Variants in ADARB2 observed in about 807,000 individuals in gnomAD.
ADARB2 encodes inactive double-stranded RNA-specific editase B2.
ADARB2 carries 25 observed loss-of-function variants against 62.2 expected under a neutral mutation model. The observed-to-expected ratio is 0.40, with a 90% CI of 0.29 to 0.56. The LOEUF (loss-of-function observed/expected upper bound fraction) is 0.56, where lower values mean the gene tolerates loss of function less well. ADARB2 is among the 20% of genes least tolerant of loss of function. The pLI is 0.43. For missense variants in ADARB2, 1,071 were observed against 1,077.4 expected, an observed-to-expected ratio of 0.99 and a Z score of 0.08; for synonymous variants, 572 against 500.8, an observed-to-expected ratio of 1.14 and a Z score of -1.90.
At chr10:1,427,018 G>A (rs1376208234) in intron 1 of ADARB2, among the ~76,000 whole-genome samples, 2 of 152,242 alleles carry the variant, frequency 1.3e-5, no homozygotes, top group Non-Finnish European at 2.9e-5. Context: ...TACTCCGCTG[G>A]GCTCCAGGGG....
At chr10:1,395,862 G>C (rs1564278616) in intron 1 of ADARB2, among the ~76,000 whole-genome samples, 1 of 152,178 alleles carries the variant, frequency 6.6e-6, no homozygotes, top group Admixed American at 6.5e-5. Context: ...GCTGACGCTT[G>C]CCCTTCTGAA....
At chr10:1,576,143 G>GGCACCA (rs1398035854) in intron 1 of ADARB2, among the ~76,000 whole-genome samples, 1 of 126,226 alleles carries the variant, frequency 7.9e-6, no homozygotes, top group South Asian at 3.3e-4. Context: ...TCACAAGAGG[G>GGCACCA]GGGTCCACGG....
In ADARB2 at chr10:1,244,889, T is replaced by A. The variant is rs77758015; in HGVS notation, c.1193-2590A>T. 3.0e-3 allele frequency among the ~76,000 whole-genome samples: 464 copies of A among 152,314 alleles called. 3 individuals carry two copies. Among genetic ancestry groups the A allele is most frequent in the African/African-American group, 9.4e-3 (391 of 41,562 alleles). On this transcript the variant is annotated intron_variant, in intron 4 of 9. Coordinates refer to ENST00000381312, the MANE Select transcript of ADARB2 (RefSeq NM_018702.4). ...CATATTCTGCATAATCTGCGTATTC[T>A]ACGGGCCGTTGGAGCCCGTAGGAGA...
chr10:1,677,625 G>A (rs1031303985), intron 1 of ADARB2, among the ~76,000 whole-genome samples: 1 of 152,188 alleles, frequency 6.6e-6, no homozygotes, highest in Non-Finnish European at 1.5e-5. Context: ...TGGATTTGGA[G>A]CTCAAGAAGG....
intron 1 of ADARB2, among the ~76,000 whole-genome samples, chr10:1,406,479 T>C (rs1189212566): frequency 6.6e-6 from 1 of 152,144 alleles, no homozygotes; most frequent in Non-Finnish European, 1.5e-5. Flanking sequence ...CTAAAGTGTC[T>C]CCTTTCTTCT....
At chr10:1,229,259 G>A (rs574353559) in intron 6 of ADARB2, among the ~76,000 whole-genome samples, 21 of 152,330 alleles carry the variant, frequency 1.4e-4, no homozygotes, top group Admixed American at 1.2e-3. Flanking sequence ...TCCCAGGAAA[G>A]TGGGGCTGGA....
intron 1 of ADARB2, among the ~76,000 whole-genome samples, chr10:1,529,748 A>C (rs1316507395): frequency 6.6e-6 from 1 of 152,162 alleles, no homozygotes; most frequent in Non-Finnish European, 1.5e-5. Context: ...ATTGGTTGTG[A>C]GACTTGCGGG....
chr10:1,251,051 G>C (rs1414770401), intron 4 of ADARB2, among the ~76,000 whole-genome samples: 1 of 152,178 alleles, frequency 6.6e-6, no homozygotes. Context: ...AAATAAAATT[G>C]CATCTTTATC....
chr10:1,447,538 T>A (rs541153781), intron 1 of ADARB2, among the ~76,000 whole-genome samples: 19 of 151,082 alleles, frequency 1.3e-4, no homozygotes, highest in African/African-American at 4.7e-4. Flanking sequence ...TGAAGACAGA[T>A]CATATGTAAT....
chr10:1,518,468 C>A (rs1366191868), intron 1 of ADARB2, among the ~76,000 whole-genome samples: 2 of 152,214 alleles, frequency 1.3e-5, no homozygotes, highest in African/African-American at 4.8e-5. Flanking sequence ...GAAACAATAA[C>A]GTCCCTGGAC....
rs1398345038 is a variant in ADARB2 at position 1,612,349 on chromosome 10, G to C, written c.100+124702C>G. On this transcript the variant is annotated intron_variant, in intron 1 of 9. Coordinates refer to ENST00000381312, the MANE Select transcript of ADARB2 (RefSeq NM_018702.4). ...CGGCCATGGCCGCCCTCCCCAGCCA[G>C]GACCCGAGGCCTGAGCTCCAGAGGG... is the stretch of plus-strand genomic sequence containing the variant. 3.3e-5 allele frequency among the ~76,000 whole-genome samples: 5 copies of C among 152,366 alleles called. No homozygotes were observed. The South Asian group carries it at 6.2e-4, about 19-fold the overall frequency.
intron 3 of ADARB2, among the ~76,000 whole-genome samples, chr10:1,349,679 ATTCCT>A (rs1228288193): frequency 1.4e-5 from 2 of 140,164 alleles, no homozygotes; most frequent in African/African-American, 2.5e-5. Flanking sequence ...CTTAATTTCA[ATTCCT>A]TTCATTTCTT....
rs540892517 is a variant in ADARB2 at position 1,544,190 on chromosome 10, C to T, written c.101-165030G>A. Among the ~76,000 whole-genome samples the T allele has an allele frequency of 1.0e-3, 152 of 152,262 alleles. 1 individual carries two copies. Among genetic ancestry groups the T allele is most frequent in the African/African-American group, 3.5e-3 (147 of 41,556 alleles). ...CTTGTTATGTGAATATTGAAAGCAA[C>T]GCCAGGGTCTGGGAGGGCAGTGGGA... On this transcript the variant is annotated intron_variant, in intron 1 of 9. Coordinates refer to ENST00000381312, the MANE Select transcript of ADARB2 (RefSeq NM_018702.4).
chr10:1,548,710 A>C (rs1433351585), intron 1 of ADARB2, among the ~76,000 whole-genome samples: 1 of 152,228 alleles, frequency 6.6e-6, no homozygotes, highest in African/African-American at 2.4e-5. Flanking sequence ...AGAAACTGGC[A>C]CTGACAGAAA....
At chr10:1,665,731 G>T (rs1338051083) in intron 1 of ADARB2, among the ~76,000 whole-genome samples, 1 of 152,242 alleles carries the variant, frequency 6.6e-6, no homozygotes, top group Non-Finnish European at 1.5e-5. Flanking sequence ...GGGGTCCGGG[G>T]GAAGGGAGGG....
At chr10:1,421,573 G>A (rs1832853137) in intron 1 of ADARB2, among the ~76,000 whole-genome samples, 1 of 152,066 alleles carries the variant, frequency 6.6e-6, no homozygotes, top group African/African-American at 2.4e-5. Context: ...TGGGCCCTGG[G>A]ACTATAGCAG....
At chr10:1,719,891 T>A (rs10903550) in intron 1 of ADARB2, among the ~76,000 whole-genome samples, 46,287 of 152,038 alleles carry the variant, frequency 0.3, 7,693 homozygotes, top group East Asian at 0.66. Flanking sequence ...TCAGAAGGTA[T>A]CAGATGCTGG....
chr10:1,357,819 C>A (rs993261133), intron 3 of ADARB2, among the ~76,000 whole-genome samples: 1 of 152,212 alleles, frequency 6.6e-6, no homozygotes, highest in East Asian at 1.9e-4. Flanking sequence ...TGTAGACACA[C>A]GAGCCCCAGA....
intron 1 of ADARB2, among the ~76,000 whole-genome samples, chr10:1,679,853 C>T (rs1029289614): frequency 1.3e-5 from 2 of 152,204 alleles, no homozygotes; most frequent in African/African-American, 4.8e-5. Context: ...GCCCGTTCCT[C>T]CTTAGTCTGT....
Sources: allele counts gnomAD v4.1 joint callset (sites outside exome capture counted in the v4.1 genomes callset), GRCh38; gene constraint gnomAD v4.1.1; transcripts MANE v1.5; gene names NCBI Gene and HGNC (gene_info 2026-07-23, HGNC 2026-07-21).